The following KCNQ1 variants were observed in gnomAD, a reference collection of about 807,000 sequenced individuals.
The protein encoded by KCNQ1 is potassium voltage-gated channel subfamily Q member 1.
KCNQ1 carries 49 observed loss-of-function variants against 72.4 expected under a neutral mutation model. The ratio of observed to expected loss-of-function variants is 0.68; its 90% confidence interval spans 0.54 to 0.86. KCNQ1 has a LOEUF of 0.86. Ranked by LOEUF, KCNQ1 falls within the 40% of genes least tolerant of loss-of-function variation. The pLI, the probability that KCNQ1 is intolerant of heterozygous loss-of-function variation, is 0.00. For synonymous variants in KCNQ1, 450 were observed against 412.6 expected (o/e 1.09, Z -1.10); for missense variants, 790 against 945.1 (o/e 0.84, Z 2.15).
intron 2 of KCNQ1, among the ~76,000 whole-genome samples, chr11:2,569,961 G>C (rs960528272): frequency 1.3e-5 from 2 of 152,182 alleles, no homozygotes; most frequent in Admixed American, 1.3e-4. Flanking sequence ...GTGTGGAGGG[G>C]CCAGGTGACT....
rs1019497823 is a variant in KCNQ1 at position 2,827,849 on chromosome 11, G to A, written c.1795-19918G>A. Among the ~76,000 whole-genome samples, 1 of 152,150 alleles carries A rather than the reference G, an allele frequency of 6.6e-6. No individual in the cohort carries two copies. Among genetic ancestry groups the A allele is most frequent in the African/African-American group, 2.4e-5 (1 of 41,410 alleles). ...TTTTCCGGAATGAAGAGGAAGGGGCGGGCAGAAGGCAGCGAGAGCTTTGTT... is the reference window on the plus strand; with the variant it reads ...TTTTCCGGAATGAAGAGGAAGGGGCAGGCAGAAGGCAGCGAGAGCTTTGTT... On this transcript the variant is annotated intron_variant, in intron 15 of 15. Coordinates refer to ENST00000155840, the MANE Select transcript of KCNQ1 (RefSeq NM_000218.3). The surrounding 1 kb of genome is among the most constrained non-coding windows in gnomAD (Gnocchi z 6.7).
intron 6 of KCNQ1, among the ~76,000 whole-genome samples, chr11:2,573,616 G>A (rs928363593): frequency 6.6e-6 from 1 of 152,230 alleles, no homozygotes; most frequent in African/African-American, 2.4e-5. Flanking sequence ...GACCCGGCCT[G>A]TGGGCCCAGA....
At chr11:2,633,078 T>C (rs1849389543) in intron 10 of KCNQ1, 2 of 398,394 alleles carry the variant, frequency 5.0e-6, no homozygotes, top group Non-Finnish European at 4.4e-6. Flanking sequence ...CCAGCATTTG[T>C]TATGTTTTGT....
chr11:2,639,203 C>G (rs971553101), intron 10 of KCNQ1: 3 of 152,192 alleles, frequency 2.0e-5, no homozygotes, highest in African/African-American at 4.8e-5. Flanking sequence ...TGAAGCCTTC[C>G]TCTCTCAACT....
rs963390633 is a variant in KCNQ1 at position 2,450,829 on chromosome 11, G to C, written c.386+5345G>C. On this transcript the variant is annotated intron_variant, in intron 1 of 15. Transcript: ENST00000155840. This position sits in a 1 kb window ranked among gnomAD's most constrained non-coding sequence, Gnocchi z 7.9. ...GTCCAGGGGGCCGCTTTTACACGAGGCATCTGACCATGTGATAGGGTGTGG... is the reference window on the plus strand; with the variant it reads ...GTCCAGGGGGCCGCTTTTACACGAGCCATCTGACCATGTGATAGGGTGTGG... 1.3e-5 allele frequency among the ~76,000 whole-genome samples: 2 copies of C among 152,186 alleles called. No homozygotes were observed. The highest frequency in any genetic ancestry group is 4.8e-5 in the African/African-American group (2 of 41,448).
intron 15 of KCNQ1, among the ~76,000 whole-genome samples, chr11:2,831,596 C>T (rs1590117201): frequency 6.6e-6 from 1 of 151,940 alleles, no homozygotes; most frequent in South Asian, 2.1e-4. Flanking sequence ...ATGGCCACAA[C>T]CATAGTGTCC....
rs1177890303 is a variant in KCNQ1 at position 2,657,752 on chromosome 11, A to G, written c.1394-4209A>G. On this transcript the variant is annotated intron_variant, in intron 10 of 15. Coordinates refer to ENST00000155840, the MANE Select transcript of KCNQ1 (RefSeq NM_000218.3). This position sits in a 1 kb window ranked among gnomAD's most constrained non-coding sequence, Gnocchi z 4.8. ...ATCTCTGATCGGTGACGGGCTTCTC[A>G]GTCTTGTTCTTCATTAACTTGACAC... 1 of 398,458 alleles carries G rather than the reference A, an allele frequency of 2.5e-6. No individual in the cohort carries two copies. Among genetic ancestry groups the G allele is most frequent in the African/African-American group, 2.1e-5 (1 of 48,604 alleles). The allele number at this position is 398,458 out of a possible 1,614,324, so 24.7% of individuals were successfully genotyped here.
intron 11 of KCNQ1, chr11:2,699,481 C>G: frequency 5.3e-6 from 2 of 374,134 alleles, no homozygotes; most frequent in Non-Finnish European, 4.6e-6. Context: ...CGCTGAGGAG[C>G]CCCCGGGGAG....
intron 10 of KCNQ1, chr11:2,650,980 T>C (rs1849748119): frequency 5.0e-6 from 2 of 398,548 alleles, no homozygotes; most frequent in Non-Finnish European, 8.8e-6. Context: ...GTATGTCTTA[T>C]CAACTCTCTG....
chr11:2,637,528 A>G (rs1849493486), intron 10 of KCNQ1: 2 of 152,194 alleles, frequency 1.3e-5, no homozygotes, highest in African/African-American at 4.8e-5. Context: ...TTCTAGTTTG[A>G]TTGCACTGTG....
Position 2,746,008 on chromosome 11 carries a change from G to A in KCNQ1, c.1515-22836G>A, listed in dbSNP as rs1171076213. Among the ~76,000 whole-genome samples, 2 of 152,198 alleles carry A rather than the reference G, an allele frequency of 1.3e-5. No homozygotes were observed. Among genetic ancestry groups the A allele is most frequent in the South Asian group, 2.1e-4 (1 of 4,834 alleles). Reference sequence around the variant, plus strand: ...GGGTTCAAGCGATTGTCTCACCTCAGCCTCCTGAGTAGCTGGGACTACAGG... The same window carrying A: ...GGGTTCAAGCGATTGTCTCACCTCAACCTCCTGAGTAGCTGGGACTACAGG... On this transcript the variant is annotated intron_variant, in intron 11 of 15. Transcript: ENST00000155840. The surrounding 1 kb of genome is among the most constrained non-coding windows in gnomAD (Gnocchi z 5.9).
chr11:2,609,206 G>A, intron 10 of KCNQ1: 1 of 398,016 alleles, frequency 2.5e-6, no homozygotes, highest in Non-Finnish European at 4.4e-6. Context: ...TATCCCATAA[G>A]TTCTGTTATG....
rs1480936068 is a variant in KCNQ1, at chr11:2,848,385, C to A, written c.*382C>A. On this transcript the variant is annotated 3_prime_UTR_variant, in exon 16 of 16. Transcript: ENST00000155840. ...CACCCTGCTTGGCCCAGGGGGCTTC[C>A]TGAGGGGAGACAGAGCAACCCCTGG... 1 of 503,420 alleles carries A rather than the reference C, an allele frequency of 2.0e-6. No homozygotes were observed. Among genetic ancestry groups the A allele is most frequent in the South Asian group, 1.5e-5 (1 of 64,834 alleles). 31.2% of individuals were successfully genotyped at this position (503,420 alleles called of 1,614,324 possible). A position where few individuals can be genotyped will look rare whatever the true frequency, so the allele number is the denominator to read the frequency against.
At position 2,703,142 on chromosome 11, in the gene KCNQ1, A is replaced by G. The variant is rs1330110831; in HGVS notation, c.1514+41061A>G. On this transcript the variant is annotated intron_variant, in intron 11 of 15. Transcript: ENST00000155840. This position sits in a 1 kb window ranked among gnomAD's most constrained non-coding sequence, Gnocchi z 6.4. ...GCCAGGCAGGCTGGGAGGTGAGCCCAGGGCTGGCCTTGGGCACCATGGCAG... is the reference window on the plus strand; with the variant it reads ...GCCAGGCAGGCTGGGAGGTGAGCCCGGGGCTGGCCTTGGGCACCATGGCAG... Among the ~76,000 whole-genome samples, 1 of 152,200 alleles carries G rather than the reference A, an allele frequency of 6.6e-6. No individual in the cohort carries two copies. The highest frequency in any genetic ancestry group is 1.5e-5 in the Non-Finnish European group (1 of 68,036).
rs1564872669 is a variant in KCNQ1, at chr11:2,725,943, C to T, written c.1515-42901C>T. Among the ~76,000 whole-genome samples, 1 of 152,220 alleles carries T rather than the reference C, an allele frequency of 6.6e-6. No individual in the cohort carries two copies. The highest frequency in any genetic ancestry group is 1.5e-5 in the Non-Finnish European group (1 of 68,038). On this transcript the variant is annotated intron_variant, in intron 11 of 15. Transcript: ENST00000155840. This position sits in a 1 kb window ranked among gnomAD's most constrained non-coding sequence, Gnocchi z 7.2. ...CTGAACTAACTGAAACCCTAACCTT[C>T]GGGCTTCCCCACTAATTTGTGATAA...
chr11:2,697,339 C>A (rs1037335305), intron 11 of KCNQ1: 1 of 398,502 alleles, frequency 2.5e-6, no homozygotes, highest in African/African-American at 2.1e-5. Context: ...CTATGAGCTA[C>A]ACTAAGTTTT....
rs570982388 is a variant in KCNQ1, at chr11:2,656,409, T to C, written c.1394-5552T>C. ...AAGGATGTCATGGGCACAGAGCCCT[T>C]TCACTCTGAGCCCTTCTCCTGGCTG... On this transcript the variant is annotated intron_variant, in intron 10 of 15. Transcript: ENST00000155840. 1.3e-4 allele frequency: 50 copies of C among 398,664 alleles called. No homozygotes were observed. In the Admixed American group the frequency reaches 2.1e-3, roughly 16 times the overall value. The allele number at this position is 398,664 out of a possible 1,614,324, so 24.7% of individuals were successfully genotyped here. A position where few individuals can be genotyped will look rare whatever the true frequency, so the allele number is the denominator to read the frequency against.
chr11:2,816,777 GT>G lies in KCNQ1; in HGVS notation c.1795-30989del, dbSNP rs1847622078. On this transcript the variant is annotated intron_variant, in intron 15 of 15. Transcript: ENST00000155840. This position sits in a 1 kb window ranked among gnomAD's most constrained non-coding sequence, Gnocchi z 6.8. ...CTCCTCCCAGCTCATGCTTTCCAAAGTCCCCTGCTCAGGAGGCCTTCCCTGA... is the reference window on the plus strand; with the variant it reads ...CTCCTCCCAGCTCATGCTTTCCAAAGCCCCTGCTCAGGAGGCCTTCCCTGA... 6.6e-6 allele frequency among the ~76,000 whole-genome samples: 1 copy of G among 152,034 alleles called. No individual in the cohort carries two copies. Among genetic ancestry groups the G allele is most frequent in the Non-Finnish European group, 1.5e-5 (1 of 67,972 alleles).
chr11:2,733,826 T>A (rs113322236), intron 11 of KCNQ1, among the ~76,000 whole-genome samples: 1,904 of 27,082 alleles, frequency 0.07, 24 homozygotes, highest in Middle Eastern at 0.11. Context: ...TCTCTCACTC[T>A]CTCTCTCTCT....
Sources: allele counts gnomAD v4.1 joint callset (sites outside exome capture counted in the v4.1 genomes callset), GRCh38; gene constraint gnomAD v4.1.1; non-coding constraint Gnocchi (gnomAD v3.1); transcripts MANE v1.5; gene names NCBI Gene and HGNC (gene_info 2026-07-23, HGNC 2026-07-21).